CUL1: variants seen among roughly 807,000 people sequenced by gnomAD.
The protein encoded by CUL1 is cullin-1.
CUL1 carries 24 observed loss-of-function variants against 118.0 expected under a neutral mutation model. The observed-to-expected ratio is 0.20, with a 90% CI of 0.15 to 0.29. The LOEUF (loss-of-function observed/expected upper bound fraction) is 0.29, where lower values mean the gene tolerates loss of function less well. CUL1 is among the 10% of genes least tolerant of loss of function. The pLI, the probability that CUL1 is intolerant of heterozygous loss-of-function variation, is 1.00. For synonymous variants in CUL1, 332 were observed against 340.4 expected (o/e 0.98, Z 0.27); for missense variants, 361 against 933.8 (o/e 0.39, Z 7.99).
rs529711213 is a variant in CUL1 at position 148,738,762 on chromosome 7, A to C, written c.140+8500A>C. ...ATCTCTGATGTTTTTGCTTTTTCTT[A>C]TTTCATCTTAATTCCTATATTTAAC... On this transcript the variant is annotated intron_variant, in intron 2 of 21. Transcript: ENST00000325222. 4.4e-4 allele frequency among the ~76,000 whole-genome samples: 67 copies of C among 151,916 alleles called. 1 individual carries two copies. The highest frequency in any genetic ancestry group is 1.6e-3 in the African/African-American group (66 of 41,424).
chr7:148,732,370 G>A (rs1449004165), intron 2 of CUL1, among the ~76,000 whole-genome samples: 1 of 144,810 alleles, frequency 6.9e-6, no homozygotes, highest in African/African-American at 2.6e-5. Flanking sequence ...TTTTGACAGA[G>A]TCTCGCTCTG....
intron 4 of CUL1, among the ~76,000 whole-genome samples, chr7:148,758,011 A>T (rs539764367): frequency 6.6e-6 from 1 of 152,292 alleles, no homozygotes; most frequent in South Asian, 2.1e-4. Flanking sequence ...ACATAGCCAA[A>T]CCATATCAGG....
intron 2 of CUL1, among the ~76,000 whole-genome samples, chr7:148,750,994 A>C (rs904822996): frequency 1.9e-4 from 29 of 152,018 alleles, no homozygotes; most frequent in Admixed American, 5.9e-4. Flanking sequence ...TAAAAAAAAA[A>C]AAAAACAAAA....
chr7:148,701,908 GAA>G (rs1309756376), intron 1 of CUL1, among the ~76,000 whole-genome samples: 1 of 152,160 alleles, frequency 6.6e-6, no homozygotes, highest in Non-Finnish European at 1.5e-5. Context: ...AGTCATTCTG[GAA>G]TAAAATGTCT....
chr7:148,720,643 G>A (rs1031202298), intron 1 of CUL1, among the ~76,000 whole-genome samples: 6 of 152,176 alleles, frequency 3.9e-5, no homozygotes, highest in Non-Finnish European at 8.8e-5. Context: ...TCCAAGCTGG[G>A]CAGCTGAGGC....
rs1182154154 is a variant in CUL1 at position 148,717,093 on chromosome 7, T to C, written c.-161-12869T>C. On this transcript the variant is annotated intron_variant, in intron 1 of 21. Transcript: ENST00000325222. ...GTTTTGTTTTGAGATGGAATCTCGC[T>C]CTGTCACCCAGGCTGGAGTGCAGTG... is the stretch of plus-strand genomic sequence containing the variant. 2.0e-5 allele frequency among the ~76,000 whole-genome samples: 3 copies of C among 147,442 alleles called. No homozygotes were observed. In the Admixed American group the frequency reaches 2.0e-4, roughly 10 times the overall value.
intron 9 of CUL1, among the ~76,000 whole-genome samples, chr7:148,779,270 C>A (rs534233928): frequency 1.3e-5 from 2 of 152,182 alleles, no homozygotes; most frequent in Non-Finnish European, 2.9e-5. Context: ...AATGCCACTT[C>A]ACTAGGTACT....
At chr7:148,705,426 A>G (rs1283071438) in intron 1 of CUL1, among the ~76,000 whole-genome samples, 1 of 152,246 alleles carries the variant, frequency 6.6e-6, no homozygotes. Context: ...GCTACCATCA[A>G]TTATTTAAGA....
At chr7:148,777,235 C>T (rs949522307) in intron 9 of CUL1, among the ~76,000 whole-genome samples, 1 of 152,060 alleles carries the variant, frequency 6.6e-6, no homozygotes, top group African/African-American at 2.4e-5. Flanking sequence ...GATAGTAGAT[C>T]AGAATCCAAA....
At chr7:148,790,624 G>A (rs1012139888) in intron 16 of CUL1, among the ~76,000 whole-genome samples, 183 bp downstream of exon 16, 6 of 152,172 alleles carry the variant, frequency 3.9e-5, no homozygotes, top group South Asian at 2.1e-4. Flanking sequence ...TTCTGGCTGG[G>A]GAGCAAGTTA....
chr7:148,768,931 T>C (rs957008902), intron 9 of CUL1, among the ~76,000 whole-genome samples: 1 of 152,224 alleles, frequency 6.6e-6, no homozygotes, highest in African/African-American at 2.4e-5. Context: ...CTTTAGGTTT[T>C]TAAAACAATT....
At chr7:148,734,605 A>G (rs1263303339) in intron 2 of CUL1, among the ~76,000 whole-genome samples, 2 of 152,200 alleles carry the variant, frequency 1.3e-5, no homozygotes, top group Non-Finnish European at 2.9e-5. Context: ...AAATAATACC[A>G]GGTTTCTTTC....
intron 2 of CUL1, among the ~76,000 whole-genome samples, chr7:148,750,529 T>G (rs2129460224): frequency 6.6e-6 from 1 of 152,170 alleles, no homozygotes; most frequent in East Asian, 1.9e-4. Context: ...AATTCCCACC[T>G]ATGAGTGAGA....
At chr7:148,766,816 C>T in intron 8 of CUL1, 93 bp downstream of exon 8, 1 of 1,072,542 alleles carries the variant, frequency 9.3e-7, no homozygotes, top group Non-Finnish European at 1.3e-6. Flanking sequence ...AACGGCATTA[C>T]TTGCCCATGT....
intron 2 of CUL1, among the ~76,000 whole-genome samples, chr7:148,742,598 G>GTTTTTTTTT (rs59592789): frequency 0.098 from 10,822 of 110,598 alleles, 817 homozygotes; most frequent in South Asian, 0.19. Context: ...ACCTTTTCTG[G>GTTTTTTTTT]TTTTTTTTTT....
chr7:148,771,079 A>C (rs1800192838), intron 9 of CUL1, among the ~76,000 whole-genome samples: 1 of 152,150 alleles, frequency 6.6e-6, no homozygotes, highest in Non-Finnish European at 1.5e-5. Flanking sequence ...GGCACTACCT[A>C]AGTGATTTTT....
chr7:148,770,189 A>ATG (rs1326959174), intron 9 of CUL1, among the ~76,000 whole-genome samples: 6 of 152,374 alleles, frequency 3.9e-5, no homozygotes, highest in Non-Finnish European at 8.8e-5. Context: ...TCCGTCAGCA[A>ATG]TGACAGCACA....
rs1800946392 is a variant in CUL1, at chr7:148,789,846, C to T, written c.1674+20C>T. The T allele has an allele frequency of 1.9e-6, 3 of 1,610,170 alleles. No individual in the cohort carries two copies. Among genetic ancestry groups the T allele is most frequent in the Non-Finnish European group, 2.6e-6 (3 of 1,176,464 alleles). On this transcript the variant is annotated intron_variant, in intron 15 of 21. Coordinates refer to ENST00000325222, the MANE Select transcript of CUL1 (RefSeq NM_003592.3). The stretch of plus-strand genomic sequence containing the variant: ...TCAGAGGTAAGGATGGGTTTGTCTG[C>T]CATCCCATTAGTGCTAAGTGGAGGG...
intron 9 of CUL1, among the ~76,000 whole-genome samples, chr7:148,776,481 T>G (rs1800406143): frequency 6.6e-6 from 1 of 151,830 alleles, no homozygotes; most frequent in African/African-American, 2.4e-5. Flanking sequence ...CACACCTGGC[T>G]AATTTTTGTA....
Sources: gnomAD v4.1 joint callset for allele counts (sites outside exome capture counted in the v4.1 genomes callset) on GRCh38, gnomAD v4.1.1 for gene constraint, MANE v1.5 for transcripts, NCBI Gene and HGNC (gene_info 2026-07-23, HGNC 2026-07-21) for gene names.